TTC9: variants seen among roughly 807,000 people sequenced by gnomAD.
TTC9 encodes tetratricopeptide repeat protein 9A.
TTC9 carries 13 observed loss-of-function variants against 22.9 expected under a neutral mutation model. The ratio of observed to expected loss-of-function variants is 0.57; its 90% CI spans 0.37 to 0.90. The LOEUF is 0.90. TTC9 is among the 40% of genes least tolerant of loss of function. The pLI, the probability that TTC9 is intolerant of heterozygous loss-of-function variation, is 0.01. For missense variants in TTC9, 280 were observed against 291.8 expected (o/e 0.96, Z 0.29); for synonymous variants, 148 against 133.2 (o/e 1.11, Z -0.77).
chr14:70,669,714 C>T (rs77407439), intron 2 of TTC9, among the ~76,000 whole-genome samples: 5,849 of 152,004 alleles, frequency 0.038, 291 homozygotes, highest in East Asian at 0.16. Context: ...ATTTTCCGTA[C>T]ATAAATCGTG....
intron 2 of TTC9, 39 bp downstream of exon 2, chr14:70,667,785 T>A: frequency 6.5e-7 from 1 of 1,545,032 alleles, no homozygotes; most frequent in Non-Finnish European, 8.7e-7. Context: ...TCCTCCCTGC[T>A]CTGGTGGCTC....
chr14:70,652,347 C>T (rs889257923), intron 1 of TTC9, among the ~76,000 whole-genome samples: 5 of 152,164 alleles, frequency 3.3e-5, no homozygotes, highest in Non-Finnish European at 7.4e-5. Context: ...TCAAAGCCTC[C>T]TTGGATGATA....
At chr14:70,663,778 A>G (rs1886176200) in intron 1 of TTC9, among the ~76,000 whole-genome samples, 1 of 152,122 alleles carries the variant, frequency 6.6e-6, no homozygotes, top group Non-Finnish European at 1.5e-5. Flanking sequence ...TTAGGCATCA[A>G]TTTTTGCTTG....
At chr14:70,655,786 G>A (rs1886056098) in intron 1 of TTC9, among the ~76,000 whole-genome samples, 4 of 152,168 alleles carry the variant, frequency 2.6e-5, no homozygotes, top group Admixed American at 2.6e-4. Context: ...TTTACTGAAG[G>A]TTATGAGATG....
At chr14:70,644,541 A>G (rs1391594120) in intron 1 of TTC9, among the ~76,000 whole-genome samples, 1 of 152,146 alleles carries the variant, frequency 6.6e-6, no homozygotes, top group Non-Finnish European at 1.5e-5. Flanking sequence ...TCCAAAGGCA[A>G]TGTTCTTGTC....
At position 70,667,550 on chromosome 14, in the gene TTC9, C is replaced by T. The variant is rs1363758362; in HGVS notation, c.407-14C>T. 3.1e-6 allele frequency: 5 copies of T among 1,613,710 alleles called. No homozygotes were observed. The highest frequency in any genetic ancestry group is 4.2e-6 in the Non-Finnish European group (5 of 1,179,880). On this transcript the variant is annotated splice_polypyrimidine_tract_variant and intron_variant, in intron 1 of 2. Coordinates refer to ENST00000256367, the MANE Select transcript of TTC9 (RefSeq NM_015351.2). ...CTGTTGTGCTGATGGCATTTTCCCT[C>T]CCTTCCTCCATAGCCTGCCTGCTCC...
At chr14:70,659,120 A>ACACACACG (rs1555362237) in intron 1 of TTC9, among the ~76,000 whole-genome samples, 7 of 109,948 alleles carry the variant, frequency 6.4e-5, no homozygotes, top group Non-Finnish European at 1.3e-4. Flanking sequence ...ATATAACTAA[A>ACACACACG]CACACACACA....
chr14:70,650,061 T>C (rs1200038460), intron 1 of TTC9, among the ~76,000 whole-genome samples: 1 of 152,186 alleles, frequency 6.6e-6, no homozygotes, highest in Non-Finnish European at 1.5e-5. Context: ...TTAGGGTGTG[T>C]GAATTCCAGT....
In TTC9 at chr14:70,651,130, G is replaced by A. The variant is rs191873891; in HGVS notation, c.406+8595G>A. Among the ~76,000 whole-genome samples, 692 of 152,234 alleles carry A rather than the reference G, an allele frequency of 4.5e-3. 10 individuals are homozygous for A. Among genetic ancestry groups the A allele is most frequent in the African/African-American group, 0.016 (671 of 41,550 alleles). On this transcript the variant is annotated intron_variant, in intron 1 of 2. Coordinates refer to ENST00000256367, the MANE Select transcript of TTC9 (RefSeq NM_015351.2). ...CGAGTAGCTGGGATTACCAGCGTGC[G>A]CCACCATGTCCAGCTAACTTTTTGT...
chr14:70,651,936 A>G (rs1885990784), intron 1 of TTC9, among the ~76,000 whole-genome samples: 1 of 151,864 alleles, frequency 6.6e-6, no homozygotes, highest in Non-Finnish European at 1.5e-5. Flanking sequence ...TCCACAGCCC[A>G]AATCTAAATC....
rs1486992993 is a variant in TTC9, at chr14:70,672,249, A to AATC, written c.*1095_*1097dup. 7 of 152,246 alleles carry AATC rather than the reference A, an allele frequency of 4.6e-5. No homozygotes were observed. The allele number at this position is 152,246 out of a possible 1,614,324, so 9.4% of individuals were successfully genotyped here. A position where few individuals can be genotyped will look rare whatever the true frequency, so the allele number is the denominator to read the frequency against. On this transcript the variant is annotated 3_prime_UTR_variant, in exon 3 of 3. Coordinates refer to ENST00000256367, the MANE Select transcript of TTC9 (RefSeq NM_015351.2). ...GGCTTGGCTTTGTCAGAACTTGTAC[A>AATC]ATCTTCTTTTGATGAAATTATCTGA...
In TTC9 at chr14:70,672,483, T is replaced by A. The variant is rs1309119203; in HGVS notation, c.*1328T>A. On this transcript the variant is annotated 3_prime_UTR_variant, in exon 3 of 3. Transcript: ENST00000256367. ...TTGCCCATCATTGTGCAATATGCTGTGGGACATGGGATGTCGTCTCAGTCT... is the reference window on the plus strand; with the variant it reads ...TTGCCCATCATTGTGCAATATGCTGAGGGACATGGGATGTCGTCTCAGTCT... The A allele has an allele frequency of 1.3e-5, 2 of 152,250 alleles. No homozygotes were observed. The highest frequency in any genetic ancestry group is 4.8e-5 in the African/African-American group (2 of 41,468). The allele number at this position is 152,250 out of a possible 1,614,324, so 9.4% of individuals were successfully genotyped here. A position where few individuals can be genotyped will look rare whatever the true frequency, so the allele number is the denominator to read the frequency against.
rs534291276 is a variant in TTC9, at chr14:70,672,612, C to T, written c.*1457C>T. ...TATCAGAGCACTTTCATGTATTTTTCGTGTGACTAGTGAAAAAGACAATGT... is the reference window on the plus strand; with the variant it reads ...TATCAGAGCACTTTCATGTATTTTTTGTGTGACTAGTGAAAAAGACAATGT... On this transcript the variant is annotated 3_prime_UTR_variant, in exon 3 of 3. Coordinates refer to ENST00000256367, the MANE Select transcript of TTC9 (RefSeq NM_015351.2). 2 of 152,254 alleles carry T rather than the reference C, an allele frequency of 1.3e-5. No individual in the cohort carries two copies. Among genetic ancestry groups the T allele is most frequent in the Admixed American group, 6.5e-5 (1 of 15,292 alleles). The allele number at this position is 152,254 out of a possible 1,614,324, so 9.4% of individuals were successfully genotyped here. A position where few individuals can be genotyped will look rare whatever the true frequency, so the allele number is the denominator to read the frequency against.
Position 70,667,599 on chromosome 14 carries a change from C to T in TTC9, c.442C>T (p.Arg148Ter), listed in dbSNP as rs766784114. 4 of 1,613,950 alleles carry T rather than the reference C, an allele frequency of 2.5e-6. No individual in the cohort carries two copies. Among genetic ancestry groups the T allele is most frequent in the African/African-American group, 1.3e-5 (1 of 75,032 alleles). Residue 148 changes from arginine (R) to a stop codon, truncating the protein, a stop_gained, in exon 2 of 3, where the codon CGA becomes TGA. Transcript: ENST00000256367. LOFTEE classifies it high-confidence loss of function. ...LLQAELVNYERVKEYCLKVLK... is the reference protein window; with the variant it reads ...LLQAELVNYE ...CCAGGCTGAGCTGGTAAACTATGAACGAGTCAAGGAATATTGCCTCAAAGT... is the reference window on the plus strand; with the variant it reads ...CCAGGCTGAGCTGGTAAACTATGAATGAGTCAAGGAATATTGCCTCAAAGT...
intron 1 of TTC9, among the ~76,000 whole-genome samples, chr14:70,648,232 T>G (rs1885931317): frequency 6.6e-6 from 1 of 152,212 alleles, no homozygotes; most frequent in Non-Finnish European, 1.5e-5. Flanking sequence ...GGTAGCACCT[T>G]GACCAATAAA....
rs1393599826 is a variant in TTC9, at chr14:70,675,036, A to G, written c.*3881A>G. On this transcript the variant is annotated 3_prime_UTR_variant, in exon 3 of 3. Coordinates refer to ENST00000256367, the MANE Select transcript of TTC9 (RefSeq NM_015351.2). ...AAACGCTCTCCTATTTGGATCCTAG[A>G]GAGTACCCTGTTTCCTGCACCCTAA... 6.6e-6 allele frequency: 1 copy of G among 152,180 alleles called. No individual in the cohort carries two copies. Among genetic ancestry groups the G allele is most frequent in the Non-Finnish European group, 1.5e-5 (1 of 68,032 alleles). The allele number at this position is 152,180 out of a possible 1,614,324, so 9.4% of individuals were successfully genotyped here. A position where few individuals can be genotyped will look rare whatever the true frequency, so the allele number is the denominator to read the frequency against.
At position 70,642,478 on chromosome 14, in the gene TTC9, G is replaced by C; in HGVS notation, c.349G>C (p.Glu117Gln). ...GGCCCTGAAGCCCGGCCGCCTCTCG[G>C]AGGAGCAGAGCAAGACGGTGGAAGC... ...AGALKPGRLS[E>Q]EQSKTVEAIE... The change falls in exon 1 of 3, where the codon GAG (glutamate) becomes CAG (glutamine). Residue 117 changes from glutamate (E) to glutamine (Q), a missense_variant. This residue lies in a region of TTC9 where 165 missense variants were observed against 145.4 expected (regional missense o/e 1.14). Transcript: ENST00000256367. 1 of 1,549,296 alleles carries C rather than the reference G, an allele frequency of 6.5e-7. No individual in the cohort carries two copies. Among genetic ancestry groups the C allele is most frequent in the Non-Finnish European group, 8.7e-7 (1 of 1,146,946 alleles).
At chr14:70,667,775 TCCTC>T in intron 2 of TTC9, 29 bp downstream of exon 2, 1 of 1,551,998 alleles carries the variant, frequency 6.4e-7, no homozygotes, top group South Asian at 1.2e-5. Context: ...TTTTCTTACT[TCCTC>T]CCTGCTCTGG....
chr14:70,667,888 C>A, intron 2 of TTC9, 142 bp downstream of exon 2: 1 of 786,602 alleles, frequency 1.3e-6, no homozygotes, highest in Non-Finnish European at 2.0e-6. Flanking sequence ...TATGATAAGA[C>A]CTAAGAGGAG....
Sources: gnomAD v4.1 joint callset for allele counts (sites outside exome capture counted in the v4.1 genomes callset) on GRCh38, gnomAD v4.1.1 for gene constraint, gnomAD v4.1.1 regional missense constraint, MANE v1.5 for transcripts, NCBI Gene and HGNC (gene_info 2026-07-23, HGNC 2026-07-21) for gene names.